Variants in MEGF11 observed in about 807,000 individuals in gnomAD.
The protein encoded by MEGF11 is multiple epidermal growth factor-like domains protein 11.
Under a neutral mutation model 146.6 loss-of-function variants are expected in MEGF11, and 126 were observed. The ratio of observed to expected loss-of-function variants is 0.86; its 90% CI spans 0.74 to 1.00. The LOEUF (loss-of-function observed/expected upper bound fraction) is 1.00, where lower values mean the gene tolerates loss of function less well. Ranked by LOEUF, MEGF11 falls within the 50% of genes least tolerant of loss-of-function variation. The pLI is 0.00. For missense variants in MEGF11, 1,509 were observed against 1,521.2 expected, an observed-to-expected ratio of 0.99 and a Z score of 0.13; for synonymous variants, 532 against 583.4, an observed-to-expected ratio of 0.91 and a Z score of 1.27.
chr15:66,120,996 G>T (rs921828432), intron 3 of MEGF11, among the ~76,000 whole-genome samples: 5 of 152,238 alleles, frequency 3.3e-5, no homozygotes, highest in African/African-American at 1.2e-4. Context: ...CTCAGGGGAA[G>T]GATGCTGGGT....
chr15:66,030,355 T>C (rs1326143341), intron 5 of MEGF11, among the ~76,000 whole-genome samples: 1 of 152,154 alleles, frequency 6.6e-6, no homozygotes, highest in African/African-American at 2.4e-5. Context: ...CCCATACATG[T>C]TGTATACAGG....
At chr15:66,144,308 AC>A (rs1199690540) in intron 1 of MEGF11, among the ~76,000 whole-genome samples, 14 of 152,028 alleles carry the variant, frequency 9.2e-5, no homozygotes, top group African/African-American at 3.1e-4. Flanking sequence ...ATGGAGAACC[AC>A]CCACCAGGAG....
chr15:66,154,402 C>T (rs1041584438), intron 1 of MEGF11, among the ~76,000 whole-genome samples: 19 of 152,180 alleles, frequency 1.2e-4, no homozygotes, highest in Admixed American at 1.2e-3. Flanking sequence ...AGCCAAGGGG[C>T]TGCGAAATTA....
intron 1 of MEGF11, among the ~76,000 whole-genome samples, chr15:66,186,976 G>A (rs2090725416): frequency 6.6e-6 from 1 of 152,156 alleles, no homozygotes; most frequent in African/African-American, 2.4e-5. Flanking sequence ...AGCTGTGTGT[G>A]GCCTCAGGTG....
chr15:66,084,464 A>G (rs2086017852), intron 5 of MEGF11, among the ~76,000 whole-genome samples: 2 of 152,146 alleles, frequency 1.3e-5, no homozygotes, highest in Admixed American at 1.3e-4. Flanking sequence ...AGGACCCAGG[A>G]GACACCCCAA....
intron 10 of MEGF11, among the ~76,000 whole-genome samples, chr15:65,948,899 G>A (rs549335703): frequency 5.3e-5 from 8 of 152,162 alleles, no homozygotes; most frequent in South Asian, 4.1e-4. Context: ...TCCTCTGTTC[G>A]CACAGGCATG....
At chr15:66,189,021 A>G (rs1444747307) in intron 1 of MEGF11, among the ~76,000 whole-genome samples, 1 of 152,240 alleles carries the variant, frequency 6.6e-6, no homozygotes, top group African/African-American at 2.4e-5. Context: ...TCCAGGAAAA[A>G]GCAAAAGAAA....
At chr15:66,088,405 C>T (rs2086197272) in intron 5 of MEGF11, among the ~76,000 whole-genome samples, 1 of 152,202 alleles carries the variant, frequency 6.6e-6, no homozygotes, top group Admixed American at 6.5e-5. Context: ...GCCTGTAATC[C>T]CAGCACTTTG....
Position 65,922,896 on chromosome 15 carries a change from A to G in MEGF11, c.1749T>C (p.Asn583=). 6.2e-7 allele frequency: 1 copy of G among 1,613,156 alleles called. No homozygotes were observed. The highest frequency in any genetic ancestry group is 8.5e-7 in the Non-Finnish European group (1 of 1,179,698). The part of the protein sequence containing the change: ...PNCSVSCSCE[N]GGSCSPEDGS... ...CATCCTCTGGGGAGCAGGAGCCTCC[A>G]TTCTCACAGCTGCAGGAGACAGAGC... The change falls in exon 14 of 26, where the codon AAT becomes AAC. Residue 583 remains asparagine, a synonymous_variant. Transcript: ENST00000395614.
At chr15:66,042,573 T>C (rs956256440) in intron 5 of MEGF11, among the ~76,000 whole-genome samples, 1 of 152,028 alleles carries the variant, frequency 6.6e-6, no homozygotes, top group African/African-American at 2.4e-5. Flanking sequence ...CACCACAAAC[T>C]GGGTGGCTTA....
chr15:66,107,200 C>T (rs1327033716), intron 4 of MEGF11, among the ~76,000 whole-genome samples: 3 of 152,162 alleles, frequency 2.0e-5, no homozygotes, highest in South Asian at 2.1e-4. Flanking sequence ...GTCCCCACCC[C>T]GCCTACTTGA....
chr15:66,078,234 A>T (rs888589679), intron 5 of MEGF11, among the ~76,000 whole-genome samples: 6 of 152,226 alleles, frequency 3.9e-5, no homozygotes, highest in African/African-American at 1.4e-4. Flanking sequence ...GACGGTGTGT[A>T]GAGGAAGTAC....
chr15:65,925,009 G>A (rs894435790), intron 13 of MEGF11, among the ~76,000 whole-genome samples: 2 of 152,170 alleles, frequency 1.3e-5, no homozygotes, highest in Admixed American at 6.5e-5. Flanking sequence ...TTGCACTGAG[G>A]TGGAGCTTTG....
intron 1 of MEGF11, among the ~76,000 whole-genome samples, chr15:66,153,463 C>A (rs532081694): frequency 6.6e-6 from 1 of 152,204 alleles, no homozygotes; most frequent in Non-Finnish European, 1.5e-5. Flanking sequence ...GTCCCAGCTA[C>A]TCGGGAGGCT....
chr15:66,082,244 T>C (rs1567232160), intron 5 of MEGF11, among the ~76,000 whole-genome samples: 1 of 151,592 alleles, frequency 6.6e-6, no homozygotes, highest in African/African-American at 2.4e-5. Flanking sequence ...ATTTCTTCAT[T>C]TGTGGAATAG....
chr15:65,913,539 A>G (rs1185530439), intron 20 of MEGF11, 198 bp downstream of exon 20: 19 of 608,114 alleles, frequency 3.1e-5, no homozygotes, highest in Non-Finnish European at 4.1e-5. Context: ...GCTCAGAGCT[A>G]GGGACTCAGG....
intron 2 of MEGF11, among the ~76,000 whole-genome samples, chr15:66,126,632 G>A (rs1299334444): frequency 1.3e-5 from 2 of 152,210 alleles, no homozygotes; most frequent in East Asian, 3.8e-4. Flanking sequence ...GCAGGCAGAG[G>A]TGAGCAGCTG....
intron 1 of MEGF11, among the ~76,000 whole-genome samples, chr15:66,198,898 G>T (rs1301667395): frequency 6.6e-6 from 1 of 152,144 alleles, no homozygotes; most frequent in African/African-American, 2.4e-5. Flanking sequence ...ACAGGCATGA[G>T]CCACCATGCC....
chr15:65,946,366 T>C (rs746496438), intron 10 of MEGF11, among the ~76,000 whole-genome samples: 6 of 152,178 alleles, frequency 3.9e-5, no homozygotes, highest in Non-Finnish European at 8.8e-5. Context: ...CTCTCCCCAC[T>C]CTGCCAAGCA....
Sources: allele counts gnomAD v4.1 joint callset (sites outside exome capture counted in the v4.1 genomes callset), GRCh38; gene constraint gnomAD v4.1.1; transcripts MANE v1.5; gene names NCBI Gene and HGNC (gene_info 2026-07-23, HGNC 2026-07-21).